The following ATP5PF variants were observed in gnomAD, a reference collection of about 807,000 sequenced individuals.
ATP5PF encodes ATP synthase peripheral stalk subunit F6, mitochondrial.
Under a neutral mutation model 12.0 loss-of-function variants are expected in ATP5PF, and 7 were observed. The ratio of observed to expected loss-of-function variants is 0.58; its 90% CI spans 0.33 to 1.10. ATP5PF has a LOEUF of 1.10. ATP5PF is among the 50% of genes least tolerant of loss of function. ATP5PF has a pLI of 0.03. For missense variants in ATP5PF, 120 were observed against 127.7 expected (o/e 0.94, Z 0.29); for synonymous variants, 41 against 45.4 (o/e 0.90, Z 0.39).
intron 1 of ATP5PF, among the ~76,000 whole-genome samples, chr21:25,733,517 ACT>A (rs1225442115): frequency 2.0e-5 from 3 of 151,676 alleles, no homozygotes; most frequent in African/African-American, 7.3e-5. Context: ...ACAGAGCGAG[ACT>A]CTGTCTCAAA....
At chr21:25,731,863 T>C (rs73897046) in intron 1 of ATP5PF, among the ~76,000 whole-genome samples, 2,184 of 152,278 alleles carry the variant, frequency 0.014, 48 homozygotes, top group African/African-American at 0.048. Context: ...GGAGGGAGGA[T>C]TGTTTGAACT....
chr21:25,735,131 C>A, upstream of ATP5PF: 2 of 690,462 alleles, frequency 2.9e-6, no homozygotes, highest in Admixed American at 4.4e-5. Context: ...TAATTTGACC[C>A]GTTCTTTTTC....
At chr21:25,729,490 AG>A (rs1057127194) in intron 2 of ATP5PF, 140 bp downstream of exon 2, 5 of 676,346 alleles carry the variant, frequency 7.4e-6, no homozygotes, top group African/African-American at 7.2e-5. Flanking sequence ...TTCTTTTTTG[AG>A]GGCACCTAAT....
At position 25,724,650 on chromosome 21, in the gene ATP5PF, G is replaced by A; in HGVS notation, c.317C>T (p.Pro106Leu). The change falls in exon 4 of 4, where the codon CCC becomes CTC. Residue 106 changes from proline to leucine, a missense_variant. Transcript: ENST00000284971. ...TTTTACTTTATTTCTTCAGGCCTGG[G>A]GTTTTTCGATGACTTCAAATTTGGG... ...EDPKFEVIEK[P>L]QA 6.3e-7 allele frequency: 1 copy of A among 1,597,326 alleles called. No homozygotes were observed. Among genetic ancestry groups the A allele is most frequent in the South Asian group, 1.1e-5 (1 of 87,514 alleles).
chr21:25,731,805 C>T (rs1415860805), intron 1 of ATP5PF, among the ~76,000 whole-genome samples: 4 of 152,084 alleles, frequency 2.6e-5, no homozygotes, highest in East Asian at 1.9e-4. Context: ...TATTTAGAGG[C>T]CAGGCGAGGT....
intron 3 of ATP5PF, 145 bp from the exon 4 acceptor site, chr21:25,724,822 A>G: frequency 1.2e-6 from 1 of 812,356 alleles, no homozygotes; most frequent in Non-Finnish European, 1.9e-6. Flanking sequence ...ATAGCTAAAC[A>G]TTTATGCAAC....
At position 25,734,870 on chromosome 21, in the gene ATP5PF, G is replaced by A. The variant is rs1012710743; in HGVS notation, c.-25C>T. The A allele has an allele frequency of 6.5e-7, 1 of 1,545,092 alleles. No homozygotes were observed. Among genetic ancestry groups the A allele is most frequent in the Non-Finnish European group, 8.7e-7 (1 of 1,148,504 alleles). Reference sequence around the variant, plus strand: ...CCAGTCACCTTGCACTCAGTCCCGAGCTGCCAAAGCCTCCGCCGCCACCAC... The same window carrying A: ...CCAGTCACCTTGCACTCAGTCCCGAACTGCCAAAGCCTCCGCCGCCACCAC... On this transcript the variant is annotated 5_prime_UTR_variant, in exon 1 of 4. Coordinates refer to ENST00000284971, the MANE Select transcript of ATP5PF (RefSeq NM_001003703.2).
chr21:25,729,936 T>C (rs1041030624), intron 1 of ATP5PF, 135 bp from the exon 2 acceptor site: 26 of 1,014,252 alleles, frequency 2.6e-5, no homozygotes, highest in Non-Finnish European at 3.0e-5. Context: ...CTGACCACAG[T>C]TCCCTTCTCC....
chr21:25,731,295 AT>A (rs1339294318), intron 1 of ATP5PF, among the ~76,000 whole-genome samples: 2 of 152,132 alleles, frequency 1.3e-5, no homozygotes, highest in Admixed American at 1.3e-4. Flanking sequence ...AGTAGAATAC[AT>A]TTTTCTCAGA....
At chr21:25,725,121 A>C in intron 3 of ATP5PF, 105 bp downstream of exon 3, 1 of 1,443,710 alleles carries the variant, frequency 6.9e-7, no homozygotes, top group Admixed American at 2.3e-5. Flanking sequence ...GGTCCTAATA[A>C]ATTCACATGT....
At chr21:25,724,785 ACT>A (rs1357241925) in intron 3 of ATP5PF, 108 bp from the exon 4 acceptor site, 51 of 1,113,220 alleles carry the variant, frequency 4.6e-5, no homozygotes, top group Admixed American at 1.1e-4. Context: ...TTTAGTAAAC[ACT>A]GTTTGTAAAC....
intron 1 of ATP5PF, among the ~76,000 whole-genome samples, chr21:25,733,239 G>A (rs1489056000): frequency 6.6e-5 from 10 of 152,152 alleles, no homozygotes; most frequent in Admixed American, 6.5e-4. Flanking sequence ...AGAAGTATCT[G>A]GTCAAAGTGG....
At chr21:25,729,453 T>C (rs1568929549) in intron 2 of ATP5PF, among the ~76,000 whole-genome samples, 178 bp downstream of exon 2, 1 of 152,218 alleles carries the variant, frequency 6.6e-6, no homozygotes, top group Non-Finnish European at 1.5e-5. Flanking sequence ...ATACAGTTTC[T>C]GACTTAAAAA....
chr21:25,729,665 CAAAG>C lies in ATP5PF; in HGVS notation c.126_129del (p.Phe43TrpfsTer44). On this transcript the variant is annotated frameshift_variant, in exon 2 of 4. Transcript: ENST00000284971. LOFTEE classifies it high-confidence loss of function. ...GATTTGTATTCTCTAATCTTGTCCA[CAAAG>C]AGTTTCTGTATAGGATCAAGTTCCT... is the stretch of plus-strand genomic sequence containing the variant. 6.2e-7 allele frequency: 1 copy of C among 1,613,332 alleles called. No individual in the cohort carries two copies. Among genetic ancestry groups the C allele is most frequent in the South Asian group, 1.1e-5 (1 of 90,986 alleles).
rs878961234 is a variant in ATP5PF at position 25,724,788 on chromosome 21, G to A, written c.290-111C>T. 4 of 1,070,516 alleles carry A rather than the reference G, an allele frequency of 3.7e-6. No individual in the cohort carries two copies. The African/African-American group carries it at 5.0e-5, about 13-fold the overall frequency. 66.3% of individuals were successfully genotyped at this position (1,070,516 alleles called of 1,614,324 possible). ...TTTTCTGATTTTTTTAGTAAACACT[G>A]TTTGTAAACATTTACATAGAAATAT... is the stretch of plus-strand genomic sequence containing the variant. On this transcript the variant is annotated intron_variant, in intron 3 of 3. Coordinates refer to ENST00000284971, the MANE Select transcript of ATP5PF (RefSeq NM_001003703.2).
In ATP5PF at chr21:25,725,308, T is replaced by A; in HGVS notation, c.207A>T (p.Gln69His). ...GPVDASSEYQ[Q>H]ELERELFKLK... ...GCTTAAAAAGCTCCCTCTCCAGCTC[T>A]TGCTGATACTCTGAACTAGCATCAA... Residue 69 changes from glutamine to histidine, a missense_variant, in exon 3 of 4, where the codon CAA becomes CAT. Physicochemically the swap from Gln to His is conservative, Grantham distance 24 (BLOSUM62 0). Coordinates refer to ENST00000284971, the MANE Select transcript of ATP5PF (RefSeq NM_001003703.2). 1 of 1,612,780 alleles carries A rather than the reference T, an allele frequency of 6.2e-7. No individual in the cohort carries two copies. The highest frequency in any genetic ancestry group is 1.1e-5 in the South Asian group (1 of 90,948).
At chr21:25,729,537 T>G in intron 2 of ATP5PF, 94 bp downstream of exon 2, 2 of 1,210,720 alleles carry the variant, frequency 1.7e-6, no homozygotes. Context: ...AGTGAAGGTC[T>G]AATACTTTCA....
At position 25,734,875 on chromosome 21, in the gene ATP5PF, C is replaced by T; in HGVS notation, c.-30G>A. ...CACCTTGCACTCAGTCCCGAGCTGC[C>T]AAAGCCTCCGCCGCCACCACCTCCG... On this transcript the variant is annotated 5_prime_UTR_variant, in exon 1 of 4. Coordinates refer to ENST00000284971, the MANE Select transcript of ATP5PF (RefSeq NM_001003703.2). The T allele has an allele frequency of 6.5e-7, 1 of 1,547,050 alleles. No homozygotes were observed. The highest frequency in any genetic ancestry group is 8.7e-7 in the Non-Finnish European group (1 of 1,149,312).
intron 2 of ATP5PF, among the ~76,000 whole-genome samples, chr21:25,728,725 T>A (rs2034680521): frequency 6.6e-6 from 1 of 152,186 alleles, no homozygotes; most frequent in Non-Finnish European, 1.5e-5. Flanking sequence ...AACACTGCCT[T>A]CCAAGAAGCC....
Sources: gnomAD v4.1 joint callset for allele counts (sites outside exome capture counted in the v4.1 genomes callset) on GRCh38, gnomAD v4.1.1 for gene constraint, MANE v1.5 for transcripts, NCBI Gene and HGNC (gene_info 2026-07-23, HGNC 2026-07-21) for gene names.